The following VANGL2 variants were observed in gnomAD, a reference collection of about 807,000 sequenced individuals.
VANGL2 encodes vang-like protein 2.
A neutral mutation model predicts 50.2 loss-of-function variants in VANGL2; 14 were observed. That is an observed-to-expected ratio of 0.28 (90% CI 0.18 to 0.44). The LOEUF is 0.44. VANGL2 is among the 20% of genes least tolerant of loss of function. The probability of loss-of-function intolerance (pLI) is 1.00; values close to 1 mark genes in which losing one functional copy is unlikely to be tolerated. For missense variants in VANGL2, 533 were observed against 701.5 expected (o/e 0.76, Z 2.71); for synonymous variants, 295 against 297.2 (o/e 0.99, Z 0.08).
At chr1:160,410,696 A>ACACACACACG (rs958609395) in intron 1 of VANGL2, among the ~76,000 whole-genome samples, 64 of 149,456 alleles carry the variant, frequency 4.3e-4, no homozygotes, top group Middle Eastern at 3.4e-3. Flanking sequence ...ACACACACAC[A>ACACACACACG]CACGCACGCA....
At position 160,420,403 on chromosome 1, in the gene VANGL2, C is replaced by T. The variant is rs752370633; in HGVS notation, c.801-8C>T. The T allele has an allele frequency of 4.3e-6, 7 of 1,613,936 alleles. No homozygotes were observed. The highest frequency in any genetic ancestry group is 5.9e-6 in the Non-Finnish European group (7 of 1,180,016). Reference sequence around the variant, plus strand: ...TTCTCCCACCCCCTCCTGCCGTCTCCCCCACAGCATCCAGCGCGTGGCAGT... The same window carrying T: ...TTCTCCCACCCCCTCCTGCCGTCTCTCCCACAGCATCCAGCGCGTGGCAGT... On this transcript the variant is annotated splice_region_variant and splice_polypyrimidine_tract_variant and intron_variant, in intron 4 of 7. Coordinates refer to ENST00000368061, the MANE Select transcript of VANGL2 (RefSeq NM_020335.3).
chr1:160,423,857 C>G (rs1259556546), intron 6 of VANGL2, among the ~76,000 whole-genome samples, 195 bp from the exon 7 acceptor site: 3 of 152,248 alleles, frequency 2.0e-5, no homozygotes, highest in East Asian at 3.8e-4. Context: ...AGTCCCTGGG[C>G]TGGGCCCACT....
intron 4 of VANGL2, among the ~76,000 whole-genome samples, chr1:160,420,186 T>A (rs936919431): frequency 6.6e-6 from 1 of 152,050 alleles, no homozygotes; most frequent in African/African-American, 2.4e-5. Flanking sequence ...CAATGCCCTT[T>A]CTCTGCTAGG....
chr1:160,411,126 A>G (rs1650868386), intron 1 of VANGL2, among the ~76,000 whole-genome samples: 1 of 151,778 alleles, frequency 6.6e-6, no homozygotes, highest in Non-Finnish European at 1.5e-5. Flanking sequence ...CCTTTTTGTA[A>G]CAGGCTCTCT....
At chr1:160,408,907 TGA>T (rs1650782165) in intron 1 of VANGL2, among the ~76,000 whole-genome samples, 1 of 152,194 alleles carries the variant, frequency 6.6e-6, no homozygotes, top group Non-Finnish European at 1.5e-5. Flanking sequence ...GTCTTTTCGG[TGA>T]TAGCAAAAGC....
At chr1:160,422,285 T>C (rs1029545115) in intron 6 of VANGL2, among the ~76,000 whole-genome samples, 2 of 152,234 alleles carry the variant, frequency 1.3e-5, no homozygotes, top group African/African-American at 4.8e-5. Flanking sequence ...AGGAAACCAG[T>C]GATGTCCCTA....
At chr1:160,414,898 G>A (rs1651000779) in intron 1 of VANGL2, among the ~76,000 whole-genome samples, 1 of 152,140 alleles carries the variant, frequency 6.6e-6, no homozygotes, top group Admixed American at 6.5e-5. Flanking sequence ...GAATCAGAAG[G>A]TGAAGTATGG....
At chr1:160,406,840 T>C (rs1015187623) in intron 1 of VANGL2, among the ~76,000 whole-genome samples, 5 of 152,068 alleles carry the variant, frequency 3.3e-5, no homozygotes, top group Admixed American at 1.3e-4. Flanking sequence ...GTGATTCTCC[T>C]GCCTCAGCCT....
At chr1:160,422,215 C>T (rs1372984206) in intron 6 of VANGL2, among the ~76,000 whole-genome samples, 2 of 152,220 alleles carry the variant, frequency 1.3e-5, no homozygotes, top group African/African-American at 4.8e-5. Flanking sequence ...ATCACCAACT[C>T]CATTTCTGTG....
At chr1:160,418,850 G>A (rs994872693) in intron 3 of VANGL2, 152 bp from the exon 4 acceptor site, 38 of 1,022,544 alleles carry the variant, frequency 3.7e-5, no homozygotes, top group South Asian at 8.7e-5. Context: ...TGATGGTTGC[G>A]TATTTGTTGA....
At chr1:160,410,225 G>A (rs903469482) in intron 1 of VANGL2, among the ~76,000 whole-genome samples, 14 of 152,044 alleles carry the variant, frequency 9.2e-5, no homozygotes, top group African/African-American at 3.1e-4. Flanking sequence ...TCGTCTTCCC[G>A]TCTGGCTGGA....
intron 1 of VANGL2, among the ~76,000 whole-genome samples, chr1:160,414,663 T>C (rs1650991630): frequency 6.6e-6 from 1 of 151,970 alleles, no homozygotes; most frequent in African/African-American, 2.4e-5. Flanking sequence ...GCAGAATACA[T>C]GGTTCATAGA....
At chr1:160,418,487 A>T (rs1651138134) in intron 3 of VANGL2, among the ~76,000 whole-genome samples, 1 of 151,546 alleles carries the variant, frequency 6.6e-6, no homozygotes, top group Non-Finnish European at 1.5e-5. Context: ...TCACAAGCAG[A>T]TTGCACTCTC....
chr1:160,415,790 C>G lies in VANGL2; in HGVS notation c.-48C>G. The G allele has an allele frequency of 6.3e-7, 1 of 1,589,434 alleles. No homozygotes were observed. Among genetic ancestry groups the G allele is most frequent in the South Asian group, 1.1e-5 (1 of 87,714 alleles). On this transcript the variant is annotated 5_prime_UTR_variant, in exon 2 of 8. Transcript: ENST00000368061. ...GGTGGCTGTGGGGCCCCCCAAGAGG[C>G]CCCAGCCTGCGGCCCTGGAGCGCTA...
Position 160,427,381 on chromosome 1 carries a change from G to A in VANGL2, c.*2003G>A, listed in dbSNP as rs1046958941. The A allele has an allele frequency of 1.3e-5, 2 of 152,264 alleles. No homozygotes were observed. The highest frequency in any genetic ancestry group is 4.8e-5 in the African/African-American group (2 of 41,324). The allele number at this position is 152,264 out of a possible 1,614,324, so 9.4% of individuals were successfully genotyped here. On this transcript the variant is annotated 3_prime_UTR_variant, in exon 8 of 8. Coordinates refer to ENST00000368061, the MANE Select transcript of VANGL2 (RefSeq NM_020335.3). ...TAGTTGCTGCCCTAGGTTAGGGGCTGGGGAGTGTTTATTTTAAGATCCTGC... is the reference window on the plus strand; with the variant it reads ...TAGTTGCTGCCCTAGGTTAGGGGCTAGGGAGTGTTTATTTTAAGATCCTGC...
At chr1:160,411,573 C>T (rs1157674637) in intron 1 of VANGL2, among the ~76,000 whole-genome samples, 1 of 152,140 alleles carries the variant, frequency 6.6e-6, no homozygotes, top group African/African-American at 2.4e-5. Context: ...GAAGACACAG[C>T]AGGCAAGGGT....
chr1:160,416,021 A>C, intron 2 of VANGL2, 41 bp from the exon 3 acceptor site: 3 of 1,614,156 alleles, frequency 1.9e-6, no homozygotes, highest in Non-Finnish European at 2.5e-6. Context: ...ACCCTGGTCC[A>C]CCACTGGACT....
At chr1:160,403,281 C>T (rs555764600) in intron 1 of VANGL2, among the ~76,000 whole-genome samples, 9 of 152,012 alleles carry the variant, frequency 5.9e-5, no homozygotes, top group East Asian at 1.9e-4. Context: ...GCTCTGTATA[C>T]GCTGATCACA....
Position 160,419,450 on chromosome 1 carries a change from G to A in VANGL2, c.641G>A (p.Gly214Asp). ...GATGCTCGGGAGCGCAGCTACCAGG[G>A]CGTGGTGCAGTTCGCCGTGTCGCTG... ...ILDARERSYQ[G>D]VVQFAVSLVD... Residue 214 changes from glycine (G) to aspartate (D), a missense_variant, in exon 4 of 8, where the codon GGC becomes GAC. By Grantham distance (94) the Gly-to-Asp change is moderately conservative. Transcript: ENST00000368061. The surrounding 1 kb of genome is among the most constrained non-coding windows in gnomAD (Gnocchi z 5.8). 3 of 1,610,404 alleles carry A rather than the reference G, an allele frequency of 1.9e-6. No homozygotes were observed. Among genetic ancestry groups the A allele is most frequent in the Non-Finnish European group, 2.5e-6 (3 of 1,179,992 alleles).
Sources: allele counts gnomAD v4.1 joint callset (sites outside exome capture counted in the v4.1 genomes callset), GRCh38; gene constraint gnomAD v4.1.1; non-coding constraint Gnocchi (gnomAD v3.1); transcripts MANE v1.5; gene names NCBI Gene and HGNC (gene_info 2026-07-23, HGNC 2026-07-21).